PCDH15: variants seen among roughly 807,000 people sequenced by gnomAD.
The protein encoded by PCDH15 is protocadherin-15.
PCDH15 carries 129 observed loss-of-function variants against 178.5 expected under a neutral mutation model. The observed-to-expected ratio is 0.72, with a 90% CI of 0.63 to 0.84. The LOEUF is 0.84. PCDH15 is among the 40% of genes least tolerant of loss of function. The pLI is 0.00. For missense variants in PCDH15, 2,230 were observed against 2,099.9 expected (o/e 1.06, Z -1.21); for synonymous variants, 800 against 732.0 (o/e 1.09, Z -1.50).
intron 2 of PCDH15, among the ~76,000 whole-genome samples, chr10:54,908,189 G>A (rs1473183162): frequency 6.6e-6 from 1 of 152,186 alleles, no homozygotes; most frequent in Non-Finnish European, 1.5e-5. Flanking sequence ...TCCCATGCCT[G>A]CCGAGGGTGA....
intron 3 of PCDH15, among the ~76,000 whole-genome samples, chr10:54,461,872 T>C (rs1180252044): frequency 6.6e-6 from 1 of 152,158 alleles, no homozygotes; most frequent in Non-Finnish European, 1.5e-5. Context: ...AAGGATTTAA[T>C]ATTTAATTCT....
At chr10:55,528,312 G>A (rs961701633) in intron 2 of PCDH15, among the ~76,000 whole-genome samples, 2 of 151,690 alleles carry the variant, frequency 1.3e-5, no homozygotes, top group Non-Finnish European at 2.9e-5. Flanking sequence ...GTGCCATGTT[G>A]GTGTGCTGCA....
intron 32 of PCDH15, among the ~76,000 whole-genome samples, chr10:53,826,913 T>A (rs1044226247): frequency 1.3e-5 from 2 of 152,136 alleles, no homozygotes; most frequent in African/African-American, 4.8e-5. Context: ...CAGAAAATAC[T>A]ACGATTTTAA....
At chr10:55,234,257 G>A (rs533108456) in intron 1 of PCDH15, among the ~76,000 whole-genome samples, 1 of 152,102 alleles carries the variant, frequency 6.6e-6, no homozygotes, top group South Asian at 2.1e-4. Context: ...TCTTTGACAT[G>A]AAAGTTACAG....
In PCDH15 at chr10:53,831,566, T is replaced by C. The variant is rs749144022; in HGVS notation, c.3984-33A>G. 18 of 1,429,450 alleles carry C rather than the reference T, an allele frequency of 1.3e-5. No individual in the cohort carries two copies. The East Asian group carries it at 2.8e-4, about 22-fold the overall frequency. The allele number at this position is 1,429,450 out of a possible 1,614,324, so 88.5% of individuals were successfully genotyped here. On this transcript the variant is annotated intron_variant, in intron 29 of 37. Coordinates refer to ENST00000644397, the MANE Select transcript of PCDH15 (RefSeq NM_001384140.1). ...GTTAGATAAATAGTAAAATTAATGA[T>C]GCTAGCAGAGAAAGAGCATTTTAAA...
intron 2 of PCDH15, among the ~76,000 whole-genome samples, chr10:54,908,150 G>T (rs1212433563): frequency 1.3e-5 from 2 of 152,186 alleles, no homozygotes; most frequent in African/African-American, 4.8e-5. Flanking sequence ...AGCCTGGCAG[G>T]CTGTGCTCAA....
intron 2 of PCDH15, among the ~76,000 whole-genome samples, chr10:54,532,000 G>C (rs116173833): frequency 6.6e-6 from 1 of 152,024 alleles, no homozygotes; most frequent in African/African-American, 2.4e-5. Context: ...TGTACCGATC[G>C]ATAAGTCTTG....
At chr10:54,177,209 T>A (rs2047524441) in intron 13 of PCDH15, among the ~76,000 whole-genome samples, 1 of 152,082 alleles carries the variant, frequency 6.6e-6, no homozygotes, top group Non-Finnish European at 1.5e-5. Context: ...TCTAAACACA[T>A]GCTATTCTGG....
intron 1 of PCDH15, among the ~76,000 whole-genome samples, chr10:55,264,823 C>A (rs111263047): frequency 0.016 from 2,459 of 152,166 alleles, 59 homozygotes; most frequent in African/African-American, 0.055. Context: ...CATTTTGAGA[C>A]CCTTTGGCAG....
chr10:54,731,563 T>TATATATATATATATATATATATAA, intron 1 of PCDH15, among the ~76,000 whole-genome samples: 1 of 49,924 alleles, frequency 2.0e-5, no homozygotes, highest in African/African-American at 6.5e-5. Flanking sequence ...TATATATATA[T>TATATATATATATATATATATATAA]ACACACACAC....
intron 6 of PCDH15, among the ~76,000 whole-genome samples, chr10:54,338,584 A>C (rs758179995): frequency 2.6e-5 from 4 of 152,222 alleles, no homozygotes; most frequent in Non-Finnish European, 5.9e-5. Flanking sequence ...CGGGGAGTCA[A>C]ACATATTACA....
chr10:55,112,441 G>A (rs1439016842), intron 2 of PCDH15, among the ~76,000 whole-genome samples: 1 of 152,094 alleles, frequency 6.6e-6, no homozygotes, highest in Non-Finnish European at 1.5e-5. Flanking sequence ...GAGGCAGGAA[G>A]AAAGCAAAAG....
intron 26 of PCDH15, among the ~76,000 whole-genome samples, chr10:53,890,550 T>C (rs2081486510): frequency 6.6e-6 from 1 of 152,180 alleles, no homozygotes; most frequent in Non-Finnish European, 1.5e-5. Flanking sequence ...CTTTTCTAGA[T>C]TACTGGGTTT....
intron 2 of PCDH15, among the ~76,000 whole-genome samples, chr10:54,975,283 T>G (rs1262816088): frequency 1.3e-5 from 2 of 152,198 alleles, no homozygotes; most frequent in Non-Finnish European, 2.9e-5. Flanking sequence ...ACCTGTGTGA[T>G]CTTTCACAAG....
At chr10:53,908,980 T>C (rs1179214382) in intron 25 of PCDH15, among the ~76,000 whole-genome samples, 1 of 152,168 alleles carries the variant, frequency 6.6e-6, no homozygotes, top group African/African-American at 2.4e-5. Context: ...GCTTTACGGG[T>C]ATATTAATTA....
rs148330086 is a variant in PCDH15 at position 55,086,846 on chromosome 10, T to G, written c.-80+79730A>C. 6.2e-3 allele frequency among the ~76,000 whole-genome samples: 936 copies of G among 152,192 alleles called. 11 individuals are homozygous for G. The highest frequency in any genetic ancestry group is 0.022 in the African/African-American group (905 of 41,562). On this transcript the variant is annotated intron_variant, in intron 2 of 5. Coordinates refer to the PCDH15 transcript ENST00000458638. Reference sequence around the variant, plus strand: ...TGGTTGTATTATTATTCATCAGTATTAATTTTCTGATTTTGGTGGCTGTTT... The same window carrying G: ...TGGTTGTATTATTATTCATCAGTATGAATTTTCTGATTTTGGTGGCTGTTT...
At position 54,462,680 on chromosome 10, in the gene PCDH15, ATT is replaced by A. The variant is rs767750465; in HGVS notation, c.157+65130_157+65131del. 7.4e-3 allele frequency among the ~76,000 whole-genome samples: 418 copies of A among 56,184 alleles called. 2 individuals carry two copies. Among genetic ancestry groups the A allele is most frequent in the African/African-American group, 0.035 (389 of 11,202 alleles). The allele number at this position is 56,184 out of a possible 152,430, so 36.9% of individuals were successfully genotyped here. On this transcript the variant is annotated intron_variant, in intron 3 of 37. Coordinates refer to ENST00000644397, the MANE Select transcript of PCDH15 (RefSeq NM_001384140.1). ...AGGCACGTGTCACCACACCTGCTTA[ATT>A]TTTTTTTTTTTTTTTTTTTTTTTTT...
intron 2 of PCDH15, among the ~76,000 whole-genome samples, chr10:55,494,944 A>C (rs1322868090): frequency 6.6e-6 from 1 of 151,818 alleles, no homozygotes; most frequent in East Asian, 1.9e-4. Flanking sequence ...AATGGAATGG[A>C]ATTATAAATT....
At chr10:54,373,837 A>G (rs563888883) in intron 4 of PCDH15, among the ~76,000 whole-genome samples, 14 of 152,178 alleles carry the variant, frequency 9.2e-5, no homozygotes, top group African/African-American at 3.1e-4. Flanking sequence ...ATCTCTTAGT[A>G]GCACATAAAA....
Sources: allele counts gnomAD v4.1 joint callset (sites outside exome capture counted in the v4.1 genomes callset), GRCh38; gene constraint gnomAD v4.1.1; transcripts MANE v1.5; gene names NCBI Gene and HGNC (gene_info 2026-07-23, HGNC 2026-07-21).